The following CCDC125 variants were observed in gnomAD, a reference collection of about 807,000 sequenced individuals.
CCDC125 encodes coiled-coil domain containing 125.
A neutral mutation model predicts 57.4 loss-of-function variants in CCDC125; 43 were observed. That is an observed-to-expected ratio of 0.75 (90% CI 0.59 to 0.97). The LOEUF is 0.97. CCDC125 is among the 50% of genes least tolerant of loss of function. CCDC125 has a pLI of 0.00. For missense variants in CCDC125, 563 were observed against 595.7 expected, an observed-to-expected ratio of 0.95 and a Z score of 0.57; for synonymous variants, 187 against 195.2, an observed-to-expected ratio of 0.96 and a Z score of 0.35.
chr5:69,313,842 C>G, intron 3 of CCDC125, 143 bp downstream of exon 3: 3 of 849,504 alleles, frequency 3.5e-6, no homozygotes, highest in Non-Finnish European at 6.2e-6. Flanking sequence ...ACCTTGATGA[C>G]ACCATCAGAG....
At chr5:69,294,080 A>G in intron 9 of CCDC125, 1 of 917,422 alleles carries the variant, frequency 1.1e-6, no homozygotes, top group Non-Finnish European at 1.3e-6. Flanking sequence ...TCTGGCTGGG[A>G]CAAAGGTTCC....
At chr5:69,276,621 G>A, downstream of CCDC125, 1 of 1,614,048 alleles carries the variant, frequency 6.2e-7, no homozygotes, top group Non-Finnish European at 8.5e-7. Flanking sequence ...CTGTCCAGTG[G>A]AAACCTTAAA....
chr5:69,297,607 C>T (rs1374816787), intron 8 of CCDC125, among the ~76,000 whole-genome samples: 2 of 151,694 alleles, frequency 1.3e-5, no homozygotes, highest in African/African-American at 4.8e-5. Context: ...ATCCACCTGC[C>T]TCAGCCCCCG....
At chr5:69,321,645 A>G (rs1167922082) in intron 1 of CCDC125, among the ~76,000 whole-genome samples, 2 of 152,240 alleles carry the variant, frequency 1.3e-5, no homozygotes, top group African/African-American at 2.4e-5. Flanking sequence ...ATACAATAGT[A>G]TCTTATGGGA....
intron 7 of CCDC125, among the ~76,000 whole-genome samples, chr5:69,301,877 A>T (rs1008095783): frequency 1.3e-5 from 2 of 151,318 alleles, no homozygotes; most frequent in Non-Finnish European, 2.9e-5. Context: ...AGCCTGGGCG[A>T]CAGAGTGAGA....
intron 6 of CCDC125, among the ~76,000 whole-genome samples, chr5:69,305,102 G>A (rs147550390): frequency 1.3e-5 from 2 of 151,954 alleles, no homozygotes; most frequent in African/African-American, 4.8e-5. Flanking sequence ...CATGTTCATA[G>A]CAGCATCATG....
chr5:69,301,652 T>C (rs1290163674), intron 7 of CCDC125, among the ~76,000 whole-genome samples: 3 of 151,724 alleles, frequency 2.0e-5, no homozygotes, highest in Non-Finnish European at 4.4e-5. Flanking sequence ...GGGAGAATCC[T>C]TGAACTCGGG....
intron 1 of CCDC125, among the ~76,000 whole-genome samples, chr5:69,329,970 G>A (rs1021456698): frequency 6.6e-6 from 1 of 152,144 alleles, no homozygotes; most frequent in Non-Finnish European, 1.5e-5. Context: ...GTTAGCAGTC[G>A]TCTCACTTTT....
chr5:69,298,207 G>A (rs894089058), intron 8 of CCDC125, among the ~76,000 whole-genome samples: 14 of 151,800 alleles, frequency 9.2e-5, no homozygotes, highest in African/African-American at 3.1e-4. Context: ...ATAGAGACGG[G>A]GTTTCATCAT....
At position 69,292,251 on chromosome 5, in the gene CCDC125, G is replaced by A. The variant is rs1754575200; in HGVS notation, c.1036C>T (p.Gln346Ter). The A allele has an allele frequency of 1.9e-6, 3 of 1,613,546 alleles. No individual in the cohort carries two copies. In the East Asian group the frequency reaches 6.7e-5, roughly 36 times the overall value. ...RKNDQALQLT[Q>*]MDKMHKKATK... ...GCTTTTTTATGCATTTTATCCATTTGTGTCAATTGTAGTGCCTGGTCATTT... is the reference window on the plus strand; with the variant it reads ...GCTTTTTTATGCATTTTATCCATTTATGTCAATTGTAGTGCCTGGTCATTT... The change falls in exon 10 of 12, where the codon CAA becomes TAA. Residue 346 changes from glutamine (Q) to a stop codon, truncating the protein, a stop_gained. Coordinates refer to ENST00000396496, the MANE Select transcript of CCDC125 (RefSeq NM_176816.5). LOFTEE classifies it high-confidence loss of function.
At chr5:69,329,704 T>C (rs1307716222) in intron 1 of CCDC125, among the ~76,000 whole-genome samples, 1 of 151,846 alleles carries the variant, frequency 6.6e-6, no homozygotes, top group Admixed American at 6.6e-5. Flanking sequence ...GATTTCACCA[T>C]GTTAGCCAGG....
intron 7 of CCDC125, among the ~76,000 whole-genome samples, chr5:69,301,203 G>T (rs1266820217): frequency 6.6e-6 from 1 of 151,742 alleles, no homozygotes. Flanking sequence ...TCAGACTCCT[G>T]GCCTCAAGCA....
intron 8 of CCDC125, among the ~76,000 whole-genome samples, chr5:69,296,040 C>T (rs1311760559): frequency 1.3e-5 from 2 of 151,916 alleles, no homozygotes; most frequent in Non-Finnish European, 2.9e-5. Flanking sequence ...CCACCACGCC[C>T]GGCTAATTTT....
the CCDC125 span, among the ~76,000 whole-genome samples, chr5:69,273,810 A>G: frequency 6.6e-6 from 1 of 152,156 alleles, no homozygotes. Context: ...CCAGGCTACA[A>G]AATCATTGTT....
At chr5:69,294,967 G>A (rs969407229) in intron 8 of CCDC125, 67 bp from the exon 9 acceptor site, 22 of 1,375,934 alleles carry the variant, frequency 1.6e-5, no homozygotes, top group Admixed American at 3.6e-5. Flanking sequence ...ACAAACACAG[G>A]GGCATTTACA....
chr5:69,277,095 T>C (rs1484166205), downstream of CCDC125: 3 of 1,588,920 alleles, frequency 1.9e-6, no homozygotes, highest in Non-Finnish European at 2.6e-6. Context: ...TCTTGTTCTT[T>C]TTGCTTCCTA....
chr5:69,320,216 G>C, intron 2 of CCDC125, 21 bp downstream of exon 2: 2 of 1,591,524 alleles, frequency 1.3e-6, no homozygotes, highest in Non-Finnish European at 1.7e-6. Flanking sequence ...AAAGAAAGGA[G>C]AGGAAATTCA....
intron 1 of CCDC125, among the ~76,000 whole-genome samples, chr5:69,329,475 A>G (rs1477658660): frequency 6.8e-6 from 1 of 146,854 alleles, no homozygotes; most frequent in Non-Finnish European, 1.5e-5. Context: ...GGTGTGAGCC[A>G]CCATGCCCAG....
Position 69,295,772 on chromosome 5 carries a change from C to T in CCDC125, c.817-872G>A, listed in dbSNP as rs78758699. Among the ~76,000 whole-genome samples the T allele has an allele frequency of 4.1e-3, 617 of 152,302 alleles. 5 individuals are homozygous for T. Among genetic ancestry groups the T allele is most frequent in the African/African-American group, 0.014 (583 of 41,578 alleles). ...ATATCTCTGTAACTATGCACTAAAC[C>T]ATACCATCAAAAGATGTTGAAATTC... On this transcript the variant is annotated intron_variant, in intron 8 of 11. Coordinates refer to ENST00000396496, the MANE Select transcript of CCDC125 (RefSeq NM_176816.5).
Sources: allele counts gnomAD v4.1 joint callset (sites outside exome capture counted in the v4.1 genomes callset), GRCh38; gene constraint gnomAD v4.1.1; transcripts MANE v1.5; gene names NCBI Gene and HGNC (gene_info 2026-07-23, HGNC 2026-07-21).